The following EP300 variants were observed in gnomAD, a reference collection of about 807,000 sequenced individuals.
EP300 encodes EP300 lysine acetyltransferase.
Under a neutral mutation model 264.0 loss-of-function variants are expected in EP300, and 31 were observed. The observed-to-expected ratio is 0.12, with a 90% CI of 0.09 to 0.16. The LOEUF is 0.16. EP300 is among the 10% of genes least tolerant of loss of function. The pLI, the probability that EP300 is intolerant of heterozygous loss-of-function variation, is 1.00. For synonymous variants in EP300, 1,340 were observed against 1,045.4 expected (o/e 1.28, Z -5.44); for missense variants, 2,766 against 3,052.9 (o/e 0.91, Z 2.21).
rs921665579 is a variant in EP300 at position 41,169,204 on chromosome 22, C to A, written c.4173-299C>A. 84 of 543,962 alleles carry A rather than the reference C, an allele frequency of 1.5e-4. No homozygotes were observed. In the African/African-American group the frequency reaches 1.5e-3, roughly 10 times the overall value. The allele number at this position is 543,962 out of a possible 1,614,324, so 33.7% of individuals were successfully genotyped here. Reference sequence around the variant, plus strand: ...TATCATACAAATCGGGTGGGAATTTCTTTTCTCCAAAAATAGTATAAAGGC... The same window carrying A: ...TATCATACAAATCGGGTGGGAATTTATTTTCTCCAAAAATAGTATAAAGGC... On this transcript the variant is annotated intron_variant, in intron 25 of 30. Transcript: ENST00000263253.
At position 41,092,842 on chromosome 22, in the gene EP300, G is replaced by A. The variant is rs978038532; in HGVS notation, c.-163G>A. On this transcript the variant is annotated 5_prime_UTR_variant, in exon 1 of 31. Transcript: ENST00000263253. The stretch of plus-strand genomic sequence containing the variant: ...TCTATCGAGTCCGCATCCCTCTCCA[G>A]CCACTGCGACCCGGCGAAGAGAAAA... The A allele has an allele frequency of 1.3e-5, 10 of 785,036 alleles. No individual in the cohort carries two copies. The highest frequency in any genetic ancestry group is 3.6e-4 in the Middle Eastern group (1 of 2,808). The allele number at this position is 785,036 out of a possible 1,614,324, so 48.6% of individuals were successfully genotyped here.
At chr22:41,131,225 G>A (rs1248455323) in intron 5 of EP300, among the ~76,000 whole-genome samples, 163 bp from the exon 6 acceptor site, 1 of 152,070 alleles carries the variant, frequency 6.6e-6, no homozygotes, top group African/African-American at 2.4e-5. Flanking sequence ...AATCAGTTCT[G>A]CATCTAGAAA....
Position 41,092,837 on chromosome 22 carries a change from C to T in EP300, c.-168C>T, listed in dbSNP as rs1017284148. 146 of 769,580 alleles carry T rather than the reference C, an allele frequency of 1.9e-4. No homozygotes were observed. Among genetic ancestry groups the T allele is most frequent in the African/African-American group, 1.1e-3 (66 of 58,058 alleles). 47.7% of individuals were successfully genotyped at this position (769,580 alleles called of 1,614,324 possible). A position where few individuals can be genotyped will look rare whatever the true frequency, so the allele number is the denominator to read the frequency against. ...CCTTTTCTATCGAGTCCGCATCCCTCTCCAGCCACTGCGACCCGGCGAAGA... is the reference window on the plus strand; with the variant it reads ...CCTTTTCTATCGAGTCCGCATCCCTTTCCAGCCACTGCGACCCGGCGAAGA... On this transcript the variant is annotated 5_prime_UTR_variant, in exon 1 of 31. Transcript: ENST00000263253.
At chr22:41,144,718 C>G (rs575600655) in intron 10 of EP300, among the ~76,000 whole-genome samples, 1 of 151,998 alleles carries the variant, frequency 6.6e-6, no homozygotes, top group East Asian at 1.9e-4. Flanking sequence ...ATCAAGTTTC[C>G]TTAAAATGAC....
intron 2 of EP300, among the ~76,000 whole-genome samples, chr22:41,123,359 A>G (rs1027345314): frequency 1.3e-5 from 2 of 152,206 alleles, no homozygotes; most frequent in African/African-American, 2.4e-5. Flanking sequence ...CAGGAAATAT[A>G]TAAGATACCA....
chr22:41,144,393 C>G (rs1364933577), intron 10 of EP300, among the ~76,000 whole-genome samples: 1 of 151,962 alleles, frequency 6.6e-6, no homozygotes, highest in Non-Finnish European at 1.5e-5. Context: ...TCTGTTTCGC[C>G]CAGCCTGGAG....
intron 1 of EP300, among the ~76,000 whole-genome samples, chr22:41,116,147 CTTTT>C (rs35609068): frequency 6.6e-6 from 1 of 151,154 alleles, no homozygotes; most frequent in African/African-American, 2.4e-5. Context: ...GGGTGTTGCA[CTTTT>C]TTTTTAACAA....
At chr22:41,168,944 G>T in intron 25 of EP300, 77 bp downstream of exon 25, 2 of 1,590,844 alleles carry the variant, frequency 1.3e-6, no homozygotes, top group South Asian at 1.1e-5. Flanking sequence ...AGCATAACAG[G>T]CAAGAAAATG....
At chr22:41,160,919 A>ATC (rs1332586691) in intron 20 of EP300, among the ~76,000 whole-genome samples, 197 bp downstream of exon 20, 2 of 152,228 alleles carry the variant, frequency 1.3e-5, no homozygotes, top group African/African-American at 4.8e-5. Context: ...TTCAGTAGCT[A>ATC]TCTGTGTCTG....
At chr22:41,137,540 A>G (rs1306785417) in intron 7 of EP300, 113 bp from the exon 8 acceptor site, 1 of 1,418,088 alleles carries the variant, frequency 7.1e-7, no homozygotes, top group Non-Finnish European at 9.9e-7. Context: ...CTTAATGCGA[A>G]TAGAAGTGAC....
At position 41,131,530 on chromosome 22, in the gene EP300, T is replaced by C; in HGVS notation, c.1425T>C (p.Tyr475=). The C allele has an allele frequency of 6.2e-7, 1 of 1,613,946 alleles. No individual in the cohort carries two copies. The highest frequency in any genetic ancestry group is 8.5e-7 in the Non-Finnish European group (1 of 1,180,012). ...CCTATGCAGCTCTTGGACTACCCTATCAAGTAAATCAGATGCCGACACAAC... is the reference window on the plus strand; with the variant it reads ...CCTATGCAGCTCTTGGACTACCCTACCAAGTAAATCAGATGCCGACACAAC... ...ERAYAALGLP[Y]QVNQMPTQPQ... The change falls in exon 6 of 31, where the codon TAT becomes TAC. Residue 475 remains tyrosine, a synonymous_variant. Coordinates refer to ENST00000263253, the MANE Select transcript of EP300 (RefSeq NM_001429.4).
chr22:41,108,480 T>G (rs1465234266), intron 1 of EP300, among the ~76,000 whole-genome samples: 2 of 152,084 alleles, frequency 1.3e-5, no homozygotes, highest in African/African-American at 4.8e-5. Context: ...AACTCCTGCG[T>G]TCAAGCAACC....
At chr22:41,104,955 G>C (rs2058750451) in intron 1 of EP300, among the ~76,000 whole-genome samples, 1 of 152,062 alleles carries the variant, frequency 6.6e-6, no homozygotes, top group African/African-American at 2.4e-5. Flanking sequence ...ACGAGGTCAG[G>C]AGATTGAAAC....
chr22:41,124,726 T>C (rs541341400), intron 2 of EP300, among the ~76,000 whole-genome samples: 8 of 152,308 alleles, frequency 5.3e-5, no homozygotes, highest in African/African-American at 1.4e-4. Flanking sequence ...GAATTCGCCA[T>C]GTAGCATCAT....
At chr22:41,128,299 T>C (rs966068023) in intron 4 of EP300, among the ~76,000 whole-genome samples, 4 of 151,862 alleles carry the variant, frequency 2.6e-5, no homozygotes, top group Non-Finnish European at 5.9e-5. Context: ...TACAAAAAAA[T>C]ACTAAAGAAA....
At chr22:41,150,906 A>T (rs914010520) in intron 14 of EP300, among the ~76,000 whole-genome samples, 5 of 151,356 alleles carry the variant, frequency 3.3e-5, no homozygotes, top group Admixed American at 2.6e-4. Flanking sequence ...AAAAAAAAAA[A>T]TTGCAGATTT....
chr22:41,099,708 C>T (rs1166155272), intron 1 of EP300, among the ~76,000 whole-genome samples: 4 of 152,162 alleles, frequency 2.6e-5, no homozygotes, highest in Non-Finnish European at 5.9e-5. Flanking sequence ...ATCCATATAG[C>T]TGTCATTGCT....
chr22:41,178,615 T>C lies in EP300; in HGVS notation c.6904T>C (p.Ser2302Pro). Residue 2302 changes from serine to proline, a missense_variant, in exon 31 of 31, where the codon TCT (serine) becomes CCT (proline). Physicochemically the swap from Ser to Pro is moderately conservative, Grantham distance 74 (BLOSUM62 -1). Transcript: ENST00000263253. Reference sequence around the variant, plus strand: ...CCTACAAGGCCAGCAGATCCCTAATTCTCTCTCCAATCAAGTGCGCTCTCC... The same window carrying C: ...CCTACAAGGCCAGCAGATCCCTAATCCTCTCTCCAATCAAGTGCGCTCTCC... ...PHLQGQQIPN[S>P]LSNQVRSPQP... The C allele has an allele frequency of 6.2e-7, 1 of 1,613,870 alleles. No individual in the cohort carries two copies. The highest frequency in any genetic ancestry group is 2.2e-5 in the East Asian group (1 of 44,868).
intron 29 of EP300, among the ~76,000 whole-genome samples, chr22:41,175,497 A>C (rs568038746): frequency 1.0e-3 from 156 of 152,344 alleles, no homozygotes; most frequent in African/African-American, 3.7e-3. Flanking sequence ...AGTTTTTTCA[A>C]ACTTCAATGA....
Sources: allele counts gnomAD v4.1 joint callset (sites outside exome capture counted in the v4.1 genomes callset), GRCh38; gene constraint gnomAD v4.1.1; transcripts MANE v1.5; gene names NCBI Gene and HGNC (gene_info 2026-07-23, HGNC 2026-07-21).